AUTS2: variants seen among roughly 807,000 people sequenced by gnomAD.
AUTS2 encodes autism susceptibility gene 2 protein.
In AUTS2, 17 loss-of-function variants were observed where a neutral mutation model predicts 112.4. The ratio of observed to expected loss-of-function variants is 0.15; its 90% CI spans 0.10 to 0.23. The LOEUF is 0.23. AUTS2 is among the 10% of genes least tolerant of loss of function. The pLI, the probability that AUTS2 is intolerant of heterozygous loss-of-function variation, is 1.00. For missense variants in AUTS2, 1,510 were observed against 1,701.6 expected (o/e 0.89, Z 1.98); for synonymous variants, 751 against 702.7 (o/e 1.07, Z -1.09).
chr7:70,641,551 CAAAAAAA>C (rs974794038), intron 5 of AUTS2, among the ~76,000 whole-genome samples: 1 of 151,372 alleles, frequency 6.6e-6, no homozygotes, highest in Non-Finnish European at 1.5e-5. Flanking sequence ...GACTCCATCT[CAAAAAAA>C]AGAAAAAAGA....
At chr7:70,205,418 T>C (rs1290877579) in intron 4 of AUTS2, among the ~76,000 whole-genome samples, 1 of 152,174 alleles carries the variant, frequency 6.6e-6, no homozygotes, top group African/African-American at 2.4e-5. Context: ...ATGCACCATA[T>C]AACAACGTGT....
chr7:70,115,407 T>C (rs1421646031), intron 2 of AUTS2, among the ~76,000 whole-genome samples: 2 of 152,208 alleles, frequency 1.3e-5, no homozygotes, highest in African/African-American at 2.4e-5. Context: ...ACTCCTGGGC[T>C]CAGGTGATCC....
At chr7:70,623,004 C>T (rs924638945) in intron 5 of AUTS2, among the ~76,000 whole-genome samples, 1 of 152,206 alleles carries the variant, frequency 6.6e-6, no homozygotes, top group African/African-American at 2.4e-5. Context: ...TTTCAATGAA[C>T]TCTCCGTGTG....
At chr7:70,065,342 A>C (rs1020164934) in intron 2 of AUTS2, among the ~76,000 whole-genome samples, 3 of 152,188 alleles carry the variant, frequency 2.0e-5, no homozygotes, top group Admixed American at 2.0e-4. Flanking sequence ...AAGGAAAAAA[A>C]CCACAAAACT....
intron 4 of AUTS2, among the ~76,000 whole-genome samples, chr7:70,236,053 A>G (rs1017044090): frequency 6.6e-6 from 1 of 152,158 alleles, no homozygotes; most frequent in Non-Finnish European, 1.5e-5. Context: ...AACATTTTAT[A>G]TTCTTCACCA....
At chr7:69,770,872 G>A (rs931566992) in intron 1 of AUTS2, among the ~76,000 whole-genome samples, 1 of 151,906 alleles carries the variant, frequency 6.6e-6, no homozygotes, top group Non-Finnish European at 1.5e-5. Context: ...ATATAAAACC[G>A]ATCTGTTCAT....
intron 1 of AUTS2, among the ~76,000 whole-genome samples, chr7:69,761,829 G>T (rs1788197452): frequency 6.6e-6 from 1 of 152,154 alleles, no homozygotes; most frequent in Non-Finnish European, 1.5e-5. Context: ...CTCTTGTCCT[G>T]CTGCCTCCCA....
intron 5 of AUTS2, among the ~76,000 whole-genome samples, chr7:70,563,143 C>T (rs1214259570): frequency 3.9e-5 from 6 of 152,086 alleles, no homozygotes; most frequent in African/African-American, 1.4e-4. Flanking sequence ...TGTCACCAAG[C>T]AGAGAGTGGC....
chr7:69,686,182 T>C (rs1302806952), intron 1 of AUTS2, among the ~76,000 whole-genome samples: 1 of 152,120 alleles, frequency 6.6e-6, no homozygotes, highest in Non-Finnish European at 1.5e-5. Context: ...CCCCAGGAGA[T>C]AGTTTCCCAA....
chr7:70,248,424 A>G (rs1394457128), intron 4 of AUTS2, among the ~76,000 whole-genome samples: 1 of 152,094 alleles, frequency 6.6e-6, no homozygotes, highest in African/African-American at 2.4e-5. Flanking sequence ...GTGCCCAGCC[A>G]TGTCTCTGTG....
At position 70,148,864 on chromosome 7, in the gene AUTS2, A is replaced by G. The variant is rs185547517; in HGVS notation, c.660+14293A>G. Among the ~76,000 whole-genome samples the G allele has an allele frequency of 7.0e-3, 1,067 of 152,236 alleles. 10 individuals carry two copies. The highest frequency in any genetic ancestry group is 0.019 in the South Asian group (91 of 4,832). ...TAACGTATTTGATTATTTCTGTGGCATGTAAAACAAAGCTAGTAAAGAATG... is the reference window on the plus strand; with the variant it reads ...TAACGTATTTGATTATTTCTGTGGCGTGTAAAACAAAGCTAGTAAAGAATG... On this transcript the variant is annotated intron_variant, in intron 4 of 18. Coordinates refer to ENST00000342771, the MANE Select transcript of AUTS2 (RefSeq NM_015570.4).
At chr7:69,636,681 A>G (rs1225084158) in intron 1 of AUTS2, among the ~76,000 whole-genome samples, 2 of 152,164 alleles carry the variant, frequency 1.3e-5, no homozygotes, top group South Asian at 2.1e-4. Flanking sequence ...ACAAAATGGG[A>G]ACACAGCATA....
chr7:70,723,205 CAT>C (rs1423752131), intron 6 of AUTS2, among the ~76,000 whole-genome samples: 5 of 152,248 alleles, frequency 3.3e-5, no homozygotes, highest in Non-Finnish European at 7.3e-5. Flanking sequence ...AGTTTACACA[CAT>C]GTTCCTCCAG....
At chr7:70,211,541 C>T (rs1320877469) in intron 4 of AUTS2, among the ~76,000 whole-genome samples, 1 of 150,584 alleles carries the variant, frequency 6.6e-6, no homozygotes, top group African/African-American at 2.4e-5. Context: ...CCCAGCTACT[C>T]GGAAGGCTGA....
At chr7:69,657,990 C>T (rs895573745) in intron 1 of AUTS2, among the ~76,000 whole-genome samples, 7 of 152,176 alleles carry the variant, frequency 4.6e-5, no homozygotes, top group East Asian at 1.9e-4. Flanking sequence ...TGTTTTTATG[C>T]GGTCATGAGC....
intron 4 of AUTS2, among the ~76,000 whole-genome samples, chr7:70,431,224 G>A (rs907952560): frequency 1.3e-5 from 2 of 152,112 alleles, no homozygotes; most frequent in African/African-American, 2.4e-5. Context: ...ATCAAAGCAG[G>A]TTCCAAAATG....
At chr7:69,751,993 A>C (rs1286547213) in intron 1 of AUTS2, among the ~76,000 whole-genome samples, 1 of 152,030 alleles carries the variant, frequency 6.6e-6, no homozygotes, top group African/African-American at 2.4e-5. Context: ...TTTTTTTTTG[A>C]TGACTATTAT....
At chr7:70,547,552 C>T (rs182161291) in intron 5 of AUTS2, among the ~76,000 whole-genome samples, 22 of 152,240 alleles carry the variant, frequency 1.4e-4, no homozygotes, top group Admixed American at 1.3e-3. Context: ...CGTGCCCGGC[C>T]GTAATGTGTG....
At chr7:70,603,670 C>T (rs747978606) in intron 5 of AUTS2, among the ~76,000 whole-genome samples, 1 of 152,110 alleles carries the variant, frequency 6.6e-6, no homozygotes, top group Non-Finnish European at 1.5e-5. Context: ...CCCTGGCCCT[C>T]GAGGAGGAGC....
Sources: allele counts gnomAD v4.1 joint callset (sites outside exome capture counted in the v4.1 genomes callset), GRCh38; gene constraint gnomAD v4.1.1; transcripts MANE v1.5; gene names NCBI Gene and HGNC (gene_info 2026-07-23, HGNC 2026-07-21).